Variants in C1orf94 observed in about 807,000 individuals in gnomAD.
The protein encoded by C1orf94 is uncharacterized protein C1orf94.
A neutral mutation model predicts 53.6 loss-of-function variants in C1orf94; 45 were observed. That is an observed-to-expected ratio of 0.84 (90% confidence interval 0.66 to 1.08). The LOEUF is 1.08. C1orf94 is among the 50% of genes least tolerant of loss of function. C1orf94 has a pLI of 0.00. For synonymous variants in C1orf94, 304 were observed against 296.1 expected (o/e 1.03, Z -0.27); for missense variants, 762 against 738.9 (o/e 1.03, Z -0.36).
upstream of C1orf94, among the ~76,000 whole-genome samples, chr1:34,175,356 T>C (rs1642210179): frequency 6.6e-6 from 1 of 152,148 alleles, no homozygotes; most frequent in Non-Finnish European, 1.5e-5. Context: ...GCTTAAGGTG[T>C]TAGCCAACCA....
intron 1 of C1orf94, among the ~76,000 whole-genome samples, chr1:34,187,524 G>T (rs1470002344): frequency 1.3e-5 from 2 of 151,484 alleles, no homozygotes; most frequent in Admixed American, 1.3e-4. Flanking sequence ...CAGTGGTTTG[G>T]TTTAATCCCC....
At chr1:34,217,156 T>C (rs1052064107) in intron 6 of C1orf94, among the ~76,000 whole-genome samples, 2 of 152,128 alleles carry the variant, frequency 1.3e-5, no homozygotes, top group Non-Finnish European at 2.9e-5. Context: ...GGACATATGT[T>C]CGTCCTACTC....
At chr1:34,206,068 C>T (rs1201417240) in intron 4 of C1orf94, among the ~76,000 whole-genome samples, 1 of 152,182 alleles carries the variant, frequency 6.6e-6, no homozygotes, top group Non-Finnish European at 1.5e-5. Context: ...TGAGAATCCG[C>T]CCTGGGACTG....
chr1:34,196,769 C>T (rs541546725), intron 1 of C1orf94, among the ~76,000 whole-genome samples: 3 of 152,176 alleles, frequency 2.0e-5, no homozygotes, highest in Admixed American at 6.5e-5. Flanking sequence ...GGCTGCGCTA[C>T]TCTCCTGGGG....
intron 6 of C1orf94, among the ~76,000 whole-genome samples, chr1:34,215,358 C>G (rs1179903756): frequency 1.3e-5 from 2 of 152,200 alleles, no homozygotes; most frequent in Admixed American, 1.3e-4. Flanking sequence ...GGCTAGAAGT[C>G]TTGTTTCAGG....
intron 6 of C1orf94, among the ~76,000 whole-genome samples, chr1:34,217,020 C>T (rs779482402): frequency 3.9e-5 from 6 of 152,120 alleles, no homozygotes; most frequent in East Asian, 1.9e-4. Flanking sequence ...GCAGAGATTG[C>T]GGTGAGTCAA....
intron 1 of C1orf94, among the ~76,000 whole-genome samples, chr1:34,191,743 T>C (rs1226308406): frequency 6.6e-6 from 1 of 152,178 alleles, no homozygotes; most frequent in African/African-American, 2.4e-5. Context: ...TTTTCTGTTG[T>C]TTGGCTCAGA....
At chr1:34,179,373 G>A (rs927123732) in intron 1 of C1orf94, among the ~76,000 whole-genome samples, 5 of 152,252 alleles carry the variant, frequency 3.3e-5, no homozygotes, top group African/African-American at 1.2e-4. Context: ...GCCTTGGCAG[G>A]AGGGCCCATG....
chr1:34,179,227 C>T (rs369926831), intron 1 of C1orf94, among the ~76,000 whole-genome samples: 1 of 152,380 alleles, frequency 6.6e-6, no homozygotes, highest in South Asian at 2.1e-4. Context: ...TTTGGCTAGT[C>T]CTGCCTCCCT....
In C1orf94 at chr1:34,169,031, T is replaced by TAG. The variant is rs534507440; in HGVS notation, c.-251+1861_-251+1862dup. 6.2e-4 allele frequency among the ~76,000 whole-genome samples: 94 copies of TAG among 152,310 alleles called. 1 individual carries two copies. The East Asian group carries it at 0.016, about 25-fold the overall frequency. The stretch of plus-strand genomic sequence containing the variant: ...TTTTCTGTGTATAGCATGGCTCCTT[T>TAG]AGTGAAAAGTAGACAGCTCTGAATA... On this transcript the variant is annotated intron_variant, in intron 1 of 6. Coordinates refer to the C1orf94 transcript ENST00000373374.
rs1642236827 is a variant in C1orf94, at chr1:34,177,036, C to A, written c.-754C>A. ...CCCAGCCTGCCTTGCCGAGTCAGCG[C>A]GCTCTTGAGCCGCTGGGCCCTTCCC... On this transcript the variant is annotated 5_prime_UTR_variant, in exon 1 of 7. Coordinates refer to ENST00000488417, the MANE Select transcript of C1orf94 (RefSeq NM_001134734.2). Among the ~76,000 whole-genome samples, 1 of 152,220 alleles carries A rather than the reference C, an allele frequency of 6.6e-6. No individual in the cohort carries two copies. The highest frequency in any genetic ancestry group is 1.5e-5 in the Non-Finnish European group (1 of 68,032).
chr1:34,192,871 G>A (rs991180014), intron 1 of C1orf94, among the ~76,000 whole-genome samples: 1 of 152,098 alleles, frequency 6.6e-6, no homozygotes, highest in African/African-American at 2.4e-5. Context: ...TCAAGGGGTA[G>A]ATAAAAGCCC....
In C1orf94 at chr1:34,197,788, G is replaced by A. The variant is rs200445096; in HGVS notation, c.884G>A (p.Arg295Gln). 22 of 1,614,160 alleles carry A rather than the reference G, an allele frequency of 1.4e-5. No homozygotes were observed. The highest frequency in any genetic ancestry group is 8.8e-5 in the South Asian group (8 of 91,078). Residue 295 changes from arginine to glutamine, a missense_variant, in exon 2 of 7, where the codon CGA (arginine) becomes CAA (glutamine). Coordinates refer to ENST00000488417, the MANE Select transcript of C1orf94 (RefSeq NM_001134734.2). This position sits in a 1 kb window ranked among gnomAD's most constrained non-coding sequence, Gnocchi z 4.1. ...AGCCCATTTCTGCTGCTGCCTCCCCGACCTCCTCCTGCACGTCCTGACAAG... is the reference window on the plus strand; with the variant it reads ...AGCCCATTTCTGCTGCTGCCTCCCCAACCTCCTCCTGCACGTCCTGACAAG... ...GLSPFLLLPP[R>Q]PPPARPDKLP...
chr1:34,189,342 C>CAAGT (rs1335271036), intron 1 of C1orf94, among the ~76,000 whole-genome samples: 3 of 141,886 alleles, frequency 2.1e-5, no homozygotes, highest in Admixed American at 7.1e-5. Context: ...TATATGTGCC[C>CAAGT]GAGTGTGTGT....
At chr1:34,185,045 C>G (rs906905990) in intron 1 of C1orf94, among the ~76,000 whole-genome samples, 1 of 152,152 alleles carries the variant, frequency 6.6e-6, no homozygotes, top group Non-Finnish European at 1.5e-5. Context: ...CAGCTTTTGT[C>G]TGAAACACAT....
intron 1 of C1orf94, among the ~76,000 whole-genome samples, chr1:34,191,443 T>A (rs576775822): frequency 1.3e-5 from 2 of 152,260 alleles, no homozygotes; most frequent in South Asian, 2.1e-4. Context: ...CGGTGGGGAT[T>A]TGAATCTAGT....
chr1:34,192,280 T>A (rs1033551750), intron 1 of C1orf94, among the ~76,000 whole-genome samples: 7 of 152,090 alleles, frequency 4.6e-5, no homozygotes, highest in African/African-American at 1.7e-4. Flanking sequence ...TTACTCAAGG[T>A]CAATGCGGGT....
At chr1:34,185,268 C>A (rs1406367062) in intron 1 of C1orf94, among the ~76,000 whole-genome samples, 1 of 152,172 alleles carries the variant, frequency 6.6e-6, no homozygotes, top group African/African-American at 2.4e-5. Context: ...CAACCTCCAC[C>A]TCCCGGGTTC....
intron 6 of C1orf94, among the ~76,000 whole-genome samples, chr1:34,215,640 G>A (rs753541289): frequency 7.2e-5 from 11 of 152,138 alleles, no homozygotes; most frequent in Non-Finnish European, 1.3e-4. Flanking sequence ...TGTGTGATGA[G>A]GGAAAGGGAA....
Sources: gnomAD v4.1 joint callset for allele counts (sites outside exome capture counted in the v4.1 genomes callset) on GRCh38, gnomAD v4.1.1 for gene constraint, Gnocchi (gnomAD v3.1) non-coding constraint, MANE v1.5 for transcripts, NCBI Gene and HGNC (gene_info 2026-07-23, HGNC 2026-07-21) for gene names.